UBE3C: variants seen among roughly 807,000 people sequenced by gnomAD.
The protein encoded by UBE3C is ubiquitin-protein ligase E3C.
A neutral mutation model predicts 129.4 loss-of-function variants in UBE3C; 42 were observed. The ratio of observed to expected loss-of-function variants is 0.32; its 90% CI spans 0.25 to 0.42. The LOEUF is 0.42. Ranked by LOEUF, UBE3C falls within the 10% of genes least tolerant of loss-of-function variation. The pLI is 1.00. For synonymous variants in UBE3C, 510 were observed against 492.4 expected (o/e 1.04, Z -0.47); for missense variants, 1,049 against 1,319.1 (o/e 0.80, Z 3.17).
chr7:157,246,529 T>C (rs1049508851), intron 18 of UBE3C, among the ~76,000 whole-genome samples: 5 of 152,232 alleles, frequency 3.3e-5, no homozygotes, highest in African/African-American at 1.2e-4. Flanking sequence ...AGTTTTGTTT[T>C]GATTTTGGTA....
intron 1 of UBE3C, among the ~76,000 whole-genome samples, chr7:157,140,797 A>C (rs1344184883): frequency 6.6e-6 from 1 of 152,178 alleles, no homozygotes; most frequent in African/African-American, 2.4e-5. Context: ...GAGATTTCTT[A>C]ACTGTTGATC....
In UBE3C at chr7:157,259,783, C is replaced by T. The variant is rs1197572531; in HGVS notation, c.3081+2739C>T. ...CAAAACCGGATTGTGGGGGTCGCTG[C>T]GGAACTCTGTAAATTTGCTAAAATC... On this transcript the variant is annotated intron_variant, in intron 22 of 22. Coordinates refer to ENST00000348165, the MANE Select transcript of UBE3C (RefSeq NM_014671.3). Among the ~76,000 whole-genome samples the T allele has an allele frequency of 3.3e-5, 5 of 152,082 alleles. No individual in the cohort carries two copies. In the South Asian group the frequency reaches 6.2e-4, roughly 19 times the overall value.
chr7:157,222,705 C>T (rs1047043556), intron 15 of UBE3C: 1 of 152,364 alleles, frequency 6.6e-6, no homozygotes, highest in Admixed American at 6.5e-5. Context: ...AGCTGCCATC[C>T]CCAGCTCCTT....
intron 15 of UBE3C, chr7:157,221,226 T>C (rs1795727621): frequency 6.4e-6 from 1 of 156,412 alleles, no homozygotes; most frequent in African/African-American, 2.4e-5. Context: ...TATAAACATC[T>C]ATGTACAGGT....
chr7:157,158,176 G>C (rs1490626385), intron 1 of UBE3C, among the ~76,000 whole-genome samples: 3 of 150,604 alleles, frequency 2.0e-5, no homozygotes, highest in Non-Finnish European at 4.4e-5. Context: ...ACAAGTGTGA[G>C]CCACTGTGCC....
chr7:157,265,490 G>A (rs1253356972), intron 22 of UBE3C, among the ~76,000 whole-genome samples: 1 of 152,170 alleles, frequency 6.6e-6, no homozygotes, highest in Non-Finnish European at 1.5e-5. Context: ...CACGGTTTTT[G>A]CCTACAGATA....
intron 10 of UBE3C, chr7:157,189,097 TC>T (rs1429232414): frequency 2.4e-6 from 1 of 412,274 alleles, no homozygotes; most frequent in Non-Finnish European, 4.3e-6. Flanking sequence ...GAATATATAT[TC>T]ATATTGCATA....
At position 157,262,409 on chromosome 7, in the gene UBE3C, C is replaced by CTTTTTTTTTTT. The variant is rs371300314; in HGVS notation, c.3082-5159_3082-5149dup. ...AGAATCATGTAAGTCTCTTCATAGG[C>CTTTTTTTTTTT]TTTTTTTTTTTTTTTTTTTTTTTTT... On this transcript the variant is annotated intron_variant, in intron 22 of 22. Coordinates refer to ENST00000348165, the MANE Select transcript of UBE3C (RefSeq NM_014671.3). 1.6e-3 allele frequency among the ~76,000 whole-genome samples: 88 copies of CTTTTTTTTTTT among 54,036 alleles called. 29 individuals carry two copies. The highest frequency in any genetic ancestry group is 7.8e-3 in the East Asian group (11 of 1,414). The allele number at this position is 54,036 out of a possible 152,430, so 35.4% of individuals were successfully genotyped here.
At position 157,267,718 on chromosome 7, in the gene UBE3C, A is replaced by G; in HGVS notation, c.3215A>G (p.Tyr1072Cys). Residue 1072 changes from tyrosine (Y) to cysteine (C), a missense_variant, in exon 23 of 23, where the codon TAT becomes TGT. Physicochemically the swap from Tyr to Cys is radical, Grantham distance 194. Around this residue, in one of 4 missense-constraint regions of UBE3C, gnomAD observed 243 missense variants for 368.7 expected, o/e 0.66. Transcript: ENST00000348165. ...ACACTTTTGCGAAGTAAACTTCTCT[A>G]TGCGATTGAATGTGCCGCTGGCTTT... ...DETLLRSKLL[Y>C]AIECAAGFEL... 1.2e-6 allele frequency: 2 copies of G among 1,611,712 alleles called. No individual in the cohort carries two copies. Among genetic ancestry groups the G allele is most frequent in the South Asian group, 1.1e-5 (1 of 90,672 alleles).
At chr7:157,141,326 T>G (rs1807442080) in intron 1 of UBE3C, among the ~76,000 whole-genome samples, 1 of 152,154 alleles carries the variant, frequency 6.6e-6, no homozygotes, top group Non-Finnish European at 1.5e-5. Context: ...TCCCCAGCAT[T>G]CCAGAGGCTC....
chr7:157,260,406 C>G (rs1796869874), intron 22 of UBE3C, among the ~76,000 whole-genome samples: 1 of 152,080 alleles, frequency 6.6e-6, no homozygotes, highest in Admixed American at 6.6e-5. Context: ...AGATGGGTCC[C>G]CTTCAGAGTT....
intron 19 of UBE3C, 81 bp downstream of exon 19, chr7:157,248,661 C>T (rs1270403576): frequency 4.1e-6 from 6 of 1,447,574 alleles, no homozygotes; most frequent in East Asian, 4.6e-5. Context: ...ATTTGTGTTA[C>T]AGCGTTTGAC....
chr7:157,257,685 C>T (rs1035598121), intron 22 of UBE3C, among the ~76,000 whole-genome samples: 2 of 137,114 alleles, frequency 1.5e-5, no homozygotes, highest in Non-Finnish European at 3.0e-5. Context: ...TGCAGTGAGC[C>T]GAGATCGCGC....
intron 2 of UBE3C, among the ~76,000 whole-genome samples, chr7:157,166,912 TTGGTGGTGGTGG>T (rs745770395): frequency 8.6e-4 from 109 of 126,656 alleles, no homozygotes; most frequent in Non-Finnish European, 1.3e-3. Context: ...CTTTTTCCTG[TTGGTGGTGGTGG>T]TGGTGGTGGT....
chr7:157,257,891 A>G (rs979079225), intron 22 of UBE3C, among the ~76,000 whole-genome samples: 1 of 151,218 alleles, frequency 6.6e-6, no homozygotes, highest in Non-Finnish European at 1.5e-5. Context: ...TAAGTACTGT[A>G]TGTGATTTGT....
intron 6 of UBE3C, among the ~76,000 whole-genome samples, 163 bp from the exon 7 acceptor site, chr7:157,181,355 G>T (rs1206616557): frequency 6.6e-6 from 1 of 152,156 alleles, no homozygotes; most frequent in Non-Finnish European, 1.5e-5. Context: ...TTTGTATACC[G>T]TTCGGCTGCC....
chr7:157,241,284 T>C (rs1238253350), intron 18 of UBE3C, among the ~76,000 whole-genome samples: 28 of 152,096 alleles, frequency 1.8e-4, no homozygotes, highest in Non-Finnish European at 2.9e-5. Flanking sequence ...AAAAATGAAC[T>C]GGACTTAAAA....
intron 9 of UBE3C, 105 bp downstream of exon 9, chr7:157,184,134 A>G: frequency 6.9e-7 from 1 of 1,452,754 alleles, no homozygotes; most frequent in Non-Finnish European, 9.3e-7. Context: ...TCAGACCCTC[A>G]AGCAGCCTTT....
intron 13 of UBE3C, 117 bp downstream of exon 13, chr7:157,208,052 AGACTT>A: frequency 4.8e-6 from 1 of 206,282 alleles, no homozygotes; most frequent in Non-Finnish European, 8.7e-6. Flanking sequence ...TTAATTTGCA[AGACTT>A]TTTTTTTTTT....
Sources: allele counts gnomAD v4.1 joint callset (sites outside exome capture counted in the v4.1 genomes callset), GRCh38; gene constraint gnomAD v4.1.1; regional missense constraint gnomAD v4.1.1; transcripts MANE v1.5; gene names NCBI Gene and HGNC (gene_info 2026-07-23, HGNC 2026-07-21).